Variants in PIK3C2G observed in about 807,000 individuals in gnomAD.
The protein encoded by PIK3C2G is phosphatidylinositol-4-phosphate 3-kinase catalytic subunit type 2 gamma.
PIK3C2G carries 168 observed loss-of-function variants against 181.1 expected under a neutral mutation model. The ratio of observed to expected loss-of-function variants is 0.93; its 90% CI spans 0.82 to 1.05. PIK3C2G has a LOEUF of 1.05. PIK3C2G is among the 50% of genes least tolerant of loss of function. The pLI is 0.00. For synonymous variants in PIK3C2G, 573 were observed against 592.2 expected, an observed-to-expected ratio of 0.97 and a Z score of 0.47; for missense variants, 1,869 against 1,732.8, an observed-to-expected ratio of 1.08 and a Z score of -1.40.
chr12:18,488,990 T>C (rs1468417010), intron 19 of PIK3C2G, among the ~76,000 whole-genome samples: 5 of 152,200 alleles, frequency 3.3e-5, no homozygotes, highest in African/African-American at 9.6e-5. Flanking sequence ...GTTTTTGTCG[T>C]TGCTCAGCAA....
intron 8 of PIK3C2G, among the ~76,000 whole-genome samples, chr12:18,337,212 T>C (rs1295642214): frequency 1.3e-5 from 2 of 152,024 alleles, no homozygotes; most frequent in African/African-American, 2.4e-5. Context: ...AAAAGAGAGA[T>C]TTCTCACTAT....
intron 9 of PIK3C2G, among the ~76,000 whole-genome samples, chr12:18,342,369 C>T (rs1006890401): frequency 6.6e-6 from 1 of 152,018 alleles, no homozygotes; most frequent in African/African-American, 2.4e-5. Flanking sequence ...AAAATGTTCT[C>T]TCTCTAAAGG....
intron 18 of PIK3C2G, among the ~76,000 whole-genome samples, chr12:18,434,938 A>C (rs1489693069): frequency 6.6e-6 from 1 of 152,092 alleles, no homozygotes; most frequent in African/African-American, 2.4e-5. Context: ...TTGTCCAAAA[A>C]TTTTACAAAT....
At chr12:18,503,839 G>A (rs1941659031) in intron 23 of PIK3C2G, among the ~76,000 whole-genome samples, 1 of 152,144 alleles carries the variant, frequency 6.6e-6, no homozygotes, top group South Asian at 2.1e-4. Context: ...GTTTATGTAT[G>A]TCATAATTTT....
At chr12:18,681,701 T>C in the PIK3C2G span, among the ~76,000 whole-genome samples, 7 of 152,174 alleles carry the variant, frequency 4.6e-5, no homozygotes, top group African/African-American at 1.7e-4. Flanking sequence ...GTATTCCTAA[T>C]ATAGAGTGGA....
chr12:18,313,887 T>C (rs1950746734), intron 5 of PIK3C2G, 75 bp from the exon 6 acceptor site: 1 of 788,960 alleles, frequency 1.3e-6, no homozygotes, highest in Non-Finnish European at 2.1e-6. Flanking sequence ...TAAAAGAAAA[T>C]GAAGTCAGAG....
intron 30 of PIK3C2G, among the ~76,000 whole-genome samples, chr12:18,608,911 G>A (rs924893909): frequency 1.3e-5 from 2 of 151,988 alleles, no homozygotes; most frequent in African/African-American, 2.4e-5. Flanking sequence ...GCAGGGGGTG[G>A]GAGGAGTGAA....
At chr12:18,726,519 A>C in the PIK3C2G span, among the ~76,000 whole-genome samples, 1 of 152,166 alleles carries the variant, frequency 6.6e-6, no homozygotes, top group Non-Finnish European at 1.5e-5. Context: ...GAGGAGCTTA[A>C]TTACTATACG....
chr12:18,668,046 G>A, the PIK3C2G span, among the ~76,000 whole-genome samples: 10 of 152,084 alleles, frequency 6.6e-5, no homozygotes, highest in African/African-American at 2.4e-4. Context: ...TCAGATTTCT[G>A]ATACAGTCAA....
chr12:18,505,307 T>C lies in PIK3C2G; in HGVS notation c.3169T>C (p.Phe1057Leu). ...AATGAATTAGGCCTTGAGGAACTTTTTCTACTCCTGTGCTGGCTGGTGTGT... is the reference window on the plus strand; with the variant it reads ...AATGAATTAGGCCTTGAGGAACTTTCTCTACTCCTGTGCTGGCTGGTGTGT... Reference protein sequence around the residue: ...ADYEKALRNFFYSCAGWCVVT... With the variant: ...ADYEKALRNFLYSCAGWCVVT... Residue 1057 changes from phenylalanine (F) to leucine (L), a missense_variant, in exon 24 of 33, where the codon TTC (phenylalanine) becomes CTC (leucine). Coordinates refer to ENST00000538779, the MANE Select transcript of PIK3C2G (RefSeq NM_001288772.2). The C allele has an allele frequency of 6.2e-7, 1 of 1,600,298 alleles. No homozygotes were observed. The highest frequency in any genetic ancestry group is 8.5e-7 in the Non-Finnish European group (1 of 1,172,974).
the PIK3C2G span, chr12:18,701,503 T>G: frequency 6.2e-7 from 1 of 1,614,104 alleles, no homozygotes; most frequent in Non-Finnish European, 8.5e-7. Flanking sequence ...CACCTCACCT[T>G]CTTTTTCTTG....
Position 18,563,489 on chromosome 12 carries a change from C to T in PIK3C2G, c.3893C>T (p.Thr1298Ile). The change falls in exon 28 of 33, where the codon ACT (threonine) becomes ATT (isoleucine). Residue 1298 changes from threonine to isoleucine, a missense_variant. Thr to Ile is a moderately conservative substitution (Grantham distance 89). Coordinates refer to ENST00000538779, the MANE Select transcript of PIK3C2G (RefSeq NM_001288772.2). ...SQLQKQFASL[T>I]LPEFPHWWHL... Reference sequence around the variant, plus strand: ...CTTCAGAAGCAGTTTGCATCACTGACTCTCCCAGAGTAAGGCACTGTCCTT... The same window carrying T: ...CTTCAGAAGCAGTTTGCATCACTGATTCTCCCAGAGTAAGGCACTGTCCTT... 12 of 1,613,782 alleles carry T rather than the reference C, an allele frequency of 7.4e-6. No homozygotes were observed. The highest frequency in any genetic ancestry group is 1.0e-5 in the Non-Finnish European group (12 of 1,179,756).
chr12:18,254,162 ATT>A (rs1948121543), intron 1 of PIK3C2G, among the ~76,000 whole-genome samples: 2 of 151,982 alleles, frequency 1.3e-5, no homozygotes, highest in Admixed American at 1.3e-4. Flanking sequence ...CCAACCCTCT[ATT>A]TTTGTGTACT....
the PIK3C2G span, among the ~76,000 whole-genome samples, chr12:18,660,304 G>A: frequency 3.3e-5 from 5 of 152,166 alleles, no homozygotes; most frequent in Non-Finnish European, 7.4e-5. Context: ...TAAATATCAG[G>A]GATCTGTGTT....
chr12:18,266,319 T>C (rs1378743688), intron 1 of PIK3C2G, among the ~76,000 whole-genome samples: 1 of 152,146 alleles, frequency 6.6e-6, no homozygotes, highest in Non-Finnish European at 1.5e-5. Context: ...TATGAACTTT[T>C]AAAAAAGCAT....
At chr12:18,320,642 G>T (rs983918673) in intron 6 of PIK3C2G, among the ~76,000 whole-genome samples, 1 of 152,218 alleles carries the variant, frequency 6.6e-6, no homozygotes, top group African/African-American at 2.4e-5. Context: ...AAATGTGCAT[G>T]TATGTGGGAG....
intron 29 of PIK3C2G, among the ~76,000 whole-genome samples, chr12:18,574,085 A>T (rs1221935107): frequency 6.6e-6 from 1 of 152,178 alleles, no homozygotes; most frequent in Non-Finnish European, 1.5e-5. Flanking sequence ...TTAGGTTCTC[A>T]TATCATCATC....
At chr12:18,683,995 AAT>A in the PIK3C2G span, 12 of 1,085,172 alleles carry the variant, frequency 1.1e-5, no homozygotes, top group South Asian at 1.7e-4. Flanking sequence ...ACAGAGAAAA[AAT>A]ATGTGTCAAT....
chr12:18,696,251 AAAAT>A, the PIK3C2G span: 3 of 1,573,730 alleles, frequency 1.9e-6, no homozygotes, highest in East Asian at 2.3e-5. Flanking sequence ...CCTGGTGTGA[AAAAT>A]AAACTCATGG....
Sources: allele counts gnomAD v4.1 joint callset (sites outside exome capture counted in the v4.1 genomes callset), GRCh38; gene constraint gnomAD v4.1.1; transcripts MANE v1.5; gene names NCBI Gene and HGNC (gene_info 2026-07-23, HGNC 2026-07-21).